Variants in THRB observed in about 807,000 individuals in gnomAD.
The protein encoded by THRB is nuclear receptor subfamily 1 group A member 2.
A neutral mutation model predicts 47.8 loss-of-function variants in THRB; 12 were observed. That is an observed-to-expected ratio of 0.25 (90% CI 0.16 to 0.41). The LOEUF (loss-of-function observed/expected upper bound fraction) is 0.41, where lower values mean the gene tolerates loss of function less well. Among genes scored for constraint, THRB ranks in the 10% least tolerant of loss-of-function variants. The pLI is 1.00. For missense variants in THRB, 348 were observed against 589.2 expected, an observed-to-expected ratio of 0.59 and a Z score of 4.24; for synonymous variants, 218 against 212.2, an observed-to-expected ratio of 1.03 and a Z score of -0.24.
rs181330455 is a variant in THRB, at chr3:24,251,953, A to G, written c.-42-22952T>C. Among the ~76,000 whole-genome samples, 136 of 152,244 alleles carry G rather than the reference A, an allele frequency of 8.9e-4. 1 individual carries two copies. The highest frequency in any genetic ancestry group is 3.1e-3 in the African/African-American group (130 of 41,574). On this transcript the variant is annotated intron_variant, in intron 3 of 10. Transcript: ENST00000646209. ...GACTCTTGGAAAAATTAGAAGAACA[A>G]TACACCAGAAAAAATGGAATATTTC...
intron 5 of THRB, chr3:24,164,888 C>A (rs1275975957): frequency 5.1e-6 from 3 of 592,872 alleles, no homozygotes; most frequent in Non-Finnish European, 9.0e-6. Flanking sequence ...CCTAGCAACC[C>A]CTCTTACTGC....
chr3:24,187,895 G>C (rs1488081659), intron 5 of THRB, among the ~76,000 whole-genome samples: 1 of 152,154 alleles, frequency 6.6e-6, no homozygotes, highest in Non-Finnish European at 1.5e-5. Flanking sequence ...GATGACACAG[G>C]TTTCCTGGTG....
chr3:24,310,119 C>T (rs933239927), intron 2 of THRB, among the ~76,000 whole-genome samples: 1 of 152,152 alleles, frequency 6.6e-6, no homozygotes, highest in African/African-American at 2.4e-5. Flanking sequence ...AAATGTTTCT[C>T]TGTGTGCTTA....
At chr3:24,478,737 C>T (rs912091959) in intron 1 of THRB, among the ~76,000 whole-genome samples, 4 of 151,900 alleles carry the variant, frequency 2.6e-5, no homozygotes, top group African/African-American at 4.8e-5. Context: ...TCCAATTTTC[C>T]GGATTTGGAA....
chr3:24,119,297 T>C lies in THRB; in HGVS notation c.*3587A>G, dbSNP rs1043473264. 1 of 152,118 alleles carries C rather than the reference T, an allele frequency of 6.6e-6. No homozygotes were observed. Among genetic ancestry groups the C allele is most frequent in the Non-Finnish European group, 1.5e-5 (1 of 68,010 alleles). The allele number at this position is 152,118 out of a possible 1,614,324, so 9.4% of individuals were successfully genotyped here. ...TCAAATGTCGATCATCACTCTCCAT[T>C]TGAGGAGGAACTGTGGCTTGGTTAT... On this transcript the variant is annotated 3_prime_UTR_variant, in exon 11 of 11. Coordinates refer to ENST00000646209, the MANE Select transcript of THRB (RefSeq NM_001354712.2).
chr3:24,330,380 T>C (rs1008468718), intron 2 of THRB, among the ~76,000 whole-genome samples: 1 of 152,250 alleles, frequency 6.6e-6, no homozygotes, highest in Non-Finnish European at 1.5e-5. Flanking sequence ...GTCATTTACT[T>C]AATTTTTTAA....
intron 2 of THRB, among the ~76,000 whole-genome samples, chr3:24,311,758 T>G (rs2057775964): frequency 6.6e-6 from 1 of 152,214 alleles, no homozygotes; most frequent in African/African-American, 2.4e-5. Context: ...CCAACATTAT[T>G]TCTCACCTGG....
chr3:24,310,816 C>T (rs560991412), intron 2 of THRB, among the ~76,000 whole-genome samples: 1 of 152,118 alleles, frequency 6.6e-6, no homozygotes, highest in Non-Finnish European at 1.5e-5. Context: ...ACATTCCCCA[C>T]CACAAATAAT....
chr3:24,384,949 T>G (rs371891834), intron 1 of THRB, among the ~76,000 whole-genome samples: 1 of 152,132 alleles, frequency 6.6e-6, no homozygotes, highest in Non-Finnish European at 1.5e-5. Context: ...GAAAAGTCAT[T>G]GAGCCACAGA....
At chr3:24,439,538 G>A (rs2071320720) in intron 1 of THRB, among the ~76,000 whole-genome samples, 1 of 152,116 alleles carries the variant, frequency 6.6e-6, no homozygotes, top group Non-Finnish European at 1.5e-5. Context: ...ATATGTTGAT[G>A]CCTTTCAGTC....
At chr3:24,318,939 GCA>G (rs2058300791) in intron 2 of THRB, among the ~76,000 whole-genome samples, 1 of 152,186 alleles carries the variant, frequency 6.6e-6, no homozygotes, top group African/African-American at 2.4e-5. Flanking sequence ...AAAAACCATT[GCA>G]CATGCAGTAG....
At chr3:24,135,847 A>ATATATAAATT (rs371175625) in intron 8 of THRB, among the ~76,000 whole-genome samples, 5,443 of 130,844 alleles carry the variant, frequency 0.042, 150 homozygotes, top group Middle Eastern at 0.049. Flanking sequence ...ATATATATAT[A>ATATATAAATT]ATACATAAAT....
chr3:24,130,759 A>T (rs1341712344), intron 9 of THRB, among the ~76,000 whole-genome samples: 1 of 152,134 alleles, frequency 6.6e-6, no homozygotes, highest in Non-Finnish European at 1.5e-5. Context: ...TCGGTCCTTA[A>T]ATTCCATGTC....
chr3:24,406,158 C>T (rs544669912), intron 1 of THRB, among the ~76,000 whole-genome samples: 31 of 151,620 alleles, frequency 2.0e-4, no homozygotes, highest in African/African-American at 7.5e-4. Context: ...AATCACATGA[C>T]CTTTTTTCCT....
intron 1 of THRB, chr3:24,486,637 G>C (rs1363468341): frequency 6.6e-6 from 1 of 152,180 alleles, no homozygotes; most frequent in East Asian, 1.9e-4. Flanking sequence ...AGATTAATAA[G>C]CCAGATGCCT....
At chr3:24,219,021 C>T (rs1289339636) in intron 4 of THRB, among the ~76,000 whole-genome samples, 1 of 152,168 alleles carries the variant, frequency 6.6e-6, no homozygotes, top group Non-Finnish European at 1.5e-5. Flanking sequence ...AATTCCAGCA[C>T]TTTGAGAAGC....
intron 5 of THRB, chr3:24,165,027 C>A (rs1559492360): frequency 1.4e-6 from 1 of 739,332 alleles, no homozygotes; most frequent in Non-Finnish European, 2.5e-6. Context: ...TGGTCCCTAC[C>A]TTTTTTTTGA....
chr3:24,316,321 T>C (rs1189102955), intron 2 of THRB, among the ~76,000 whole-genome samples: 1 of 152,214 alleles, frequency 6.6e-6, no homozygotes, highest in Non-Finnish European at 1.5e-5. Context: ...CATCATAATA[T>C]ATTTTTTAAA....
chr3:24,281,710 C>T lies in THRB; in HGVS notation c.-43+15516G>A, dbSNP rs970038841. On this transcript the variant is annotated intron_variant, in intron 3 of 10. Transcript: ENST00000646209. ...AACCCATCTCACGTGCAGAGACACA[C>T]ATAGGCTCAAAATAAAAGGATGGAG... 8.7e-5 allele frequency among the ~76,000 whole-genome samples: 10 copies of T among 114,810 alleles called. 1 individual carries two copies. The highest frequency in any genetic ancestry group is 1.5e-4 in the Non-Finnish European group (8 of 52,240). The allele number at this position is 114,810 out of a possible 152,430, so 75.3% of individuals were successfully genotyped here. A position where few individuals can be genotyped will look rare whatever the true frequency, so the allele number is the denominator to read the frequency against.
Sources: gnomAD v4.1 joint callset for allele counts (sites outside exome capture counted in the v4.1 genomes callset) on GRCh38, gnomAD v4.1.1 for gene constraint, MANE v1.5 for transcripts, NCBI Gene and HGNC (gene_info 2026-07-23, HGNC 2026-07-21) for gene names.